PSPC1: variants seen among roughly 807,000 people sequenced by gnomAD.
PSPC1 encodes paraspeckle component 1.
Under a neutral mutation model 51.6 loss-of-function variants are expected in PSPC1, and 14 were observed. The ratio of observed to expected loss-of-function variants is 0.27; its 90% confidence interval spans 0.18 to 0.42. The LOEUF is 0.42. PSPC1 is among the 10% of genes least tolerant of loss of function. The pLI, the probability that PSPC1 is intolerant of heterozygous loss-of-function variation, is 1.00. For synonymous variants in PSPC1, 193 were observed against 231.9 expected (o/e 0.83, Z 1.53); for missense variants, 406 against 701.1 (o/e 0.58, Z 4.75).
intron 5 of PSPC1, among the ~76,000 whole-genome samples, chr13:19,739,098 C>A (rs1267188810): frequency 6.6e-6 from 1 of 152,108 alleles, no homozygotes; most frequent in Non-Finnish European, 1.5e-5. Context: ...ACTACTAGCC[C>A]ATATGCCTAA....
At chr13:19,756,554 T>G (rs1887091035) in intron 3 of PSPC1, among the ~76,000 whole-genome samples, 1 of 151,780 alleles carries the variant, frequency 6.6e-6, no homozygotes, top group South Asian at 2.1e-4. Flanking sequence ...GGCTGGAGTG[T>G]GGTGGCGCGA....
intron 6 of PSPC1, among the ~76,000 whole-genome samples, chr13:19,694,113 A>G (rs1878901958): frequency 9.9e-6 from 1 of 101,450 alleles, no homozygotes; most frequent in Non-Finnish European, 1.9e-5. Context: ...ACAGAGCGAG[A>G]CTCCATCTCA....
rs1196936127 is a variant in PSPC1 at position 19,719,159 on chromosome 13, T to C, written c.1159-9560A>G. The stretch of plus-strand genomic sequence containing the variant: ...GTAGCTTCAGCAATTGTTATAAGTG[T>C]ATCATTCTGGTAAAACACTTTGATA... On this transcript the variant is annotated intron_variant, in intron 6 of 8. Coordinates refer to ENST00000338910, the MANE Select transcript of PSPC1 (RefSeq NM_001354909.2). 1.2e-4 allele frequency among the ~76,000 whole-genome samples: 18 copies of C among 150,718 alleles called. 1 individual carries two copies. In the East Asian group the frequency reaches 2.9e-3, roughly 25 times the overall value.
chr13:19,705,166 T>C (rs1880484294), intron 8 of PSPC1, among the ~76,000 whole-genome samples: 1 of 152,242 alleles, frequency 6.6e-6, no homozygotes, highest in African/African-American at 2.4e-5. Flanking sequence ...TACCACAGCA[T>C]GCCACAGACA....
intron 7 of PSPC1, among the ~76,000 whole-genome samples, chr13:19,676,721 AATAATGTTTAGTATCACC>A (rs1876676473): frequency 6.6e-6 from 1 of 152,204 alleles, no homozygotes; most frequent in Non-Finnish European, 1.5e-5. Flanking sequence ...AATAAGACAC[AATAATGTTTAGTATCACC>A]AGACAAAAGC....
intron 2 of PSPC1, among the ~76,000 whole-genome samples, chr13:19,763,933 G>A (rs1303635254): frequency 6.6e-6 from 1 of 152,080 alleles, no homozygotes; most frequent in African/African-American, 2.4e-5. Flanking sequence ...AATCCAGGAG[G>A]TGGAAGTTGC....
downstream of PSPC1, chr13:19,673,336 A>C (rs958950742): frequency 2.0e-5 from 6 of 298,520 alleles, no homozygotes; most frequent in African/African-American, 1.3e-4. Context: ...TTTTAATGAA[A>C]ACTTTTCAGA....
chr13:19,708,141 A>G (rs1419080047), intron 7 of PSPC1, among the ~76,000 whole-genome samples: 1 of 152,218 alleles, frequency 6.6e-6, no homozygotes, highest in African/African-American at 2.4e-5. Flanking sequence ...ACAGCAATAT[A>G]TGACTCTACA....
rs189609762 is a variant in PSPC1 at position 19,684,068 on chromosome 13, G to A, written c.1159-6245C>T. Reference sequence around the variant, plus strand: ...CTTAGAATATCTGTCTGCTTTATCTGCAAGGCAACTGTAGTGAGGCAAGCG... The same window carrying A: ...CTTAGAATATCTGTCTGCTTTATCTACAAGGCAACTGTAGTGAGGCAAGCG... On this transcript the variant is annotated intron_variant and NMD_transcript_variant, in intron 6 of 7. Coordinates refer to the PSPC1 transcript ENST00000471658. 9.1e-4 allele frequency among the ~76,000 whole-genome samples: 139 copies of A among 152,260 alleles called. 1 individual carries two copies. Among genetic ancestry groups the A allele is most frequent in the African/African-American group, 3.1e-3 (129 of 41,550 alleles).
intron 5 of PSPC1, among the ~76,000 whole-genome samples, chr13:19,731,063 C>A (rs1477469706): frequency 1.3e-5 from 2 of 151,412 alleles, no homozygotes; most frequent in African/African-American, 2.4e-5. Flanking sequence ...AGATAAGCCA[C>A]CTCAAAAAAC....
chr13:19,754,663 C>G (rs534775280), intron 3 of PSPC1, among the ~76,000 whole-genome samples: 1 of 152,040 alleles, frequency 6.6e-6, no homozygotes, highest in South Asian at 2.1e-4. Context: ...TGGTCTCGAA[C>G]TCCTGACCTC....
In PSPC1 at chr13:19,730,345, C is replaced by A; in HGVS notation, c.1053-1G>T. 6.2e-7 allele frequency: 1 copy of A among 1,613,606 alleles called. No individual in the cohort carries two copies. Among genetic ancestry groups the A allele is most frequent in the Non-Finnish European group, 8.5e-7 (1 of 1,179,838 alleles). On this transcript the variant is annotated splice_acceptor_variant, in intron 5 of 8. Transcript: ENST00000338910. LOFTEE classifies it high-confidence loss of function. ...ACGCCGCCGATGCTCCTCTTCATGT[C>A]TGAAAATTTTTCAAATAAAAATTTC... is the stretch of plus-strand genomic sequence containing the variant.
intron 6 of PSPC1, among the ~76,000 whole-genome samples, chr13:19,729,262 C>A (rs1883742659): frequency 6.6e-6 from 1 of 152,116 alleles, no homozygotes. Context: ...GTCGGCTGGG[C>A]ATGGTGGCTG....
chr13:19,774,634 C>A (rs995639265), intron 1 of PSPC1, among the ~76,000 whole-genome samples: 7 of 150,748 alleles, frequency 4.6e-5, no homozygotes, highest in Admixed American at 3.3e-4. Context: ...AAAACCTAGT[C>A]TCTATCAAAA....
At chr13:19,716,947 T>TG (rs978767135) in intron 6 of PSPC1, among the ~76,000 whole-genome samples, 9 of 152,108 alleles carry the variant, frequency 5.9e-5, no homozygotes, top group Admixed American at 5.2e-4. Flanking sequence ...CTCAGCACTT[T>TG]GGGGGGCTGA....
chr13:19,745,594 T>C (rs1321766719), intron 4 of PSPC1, among the ~76,000 whole-genome samples: 1 of 152,096 alleles, frequency 6.6e-6, no homozygotes, highest in African/African-American at 2.4e-5. Flanking sequence ...ACCGCTGATC[T>C]GTCCAGATTT....
rs554818110 is a variant in PSPC1, at chr13:19,722,573, C to T, written c.1158+7666G>A. On this transcript the variant is annotated intron_variant, in intron 6 of 8. Coordinates refer to ENST00000338910, the MANE Select transcript of PSPC1 (RefSeq NM_001354909.2). ...CTTTGGGAGGCTGAGGTAGGTGGATCACCTGAGGACAGGGGTTCGAGACCA... is the reference window on the plus strand; with the variant it reads ...CTTTGGGAGGCTGAGGTAGGTGGATTACCTGAGGACAGGGGTTCGAGACCA... Among the ~76,000 whole-genome samples the T allele has an allele frequency of 2.6e-5, 4 of 152,268 alleles. No individual in the cohort carries two copies. In the South Asian group the frequency reaches 8.3e-4, roughly 32 times the overall value.
At chr13:19,772,581 T>G in intron 1 of PSPC1, 38 bp from the exon 2 acceptor site, 1 of 1,542,860 alleles carries the variant, frequency 6.5e-7, no homozygotes, top group Middle Eastern at 2.4e-4. Context: ...AAGATGACAG[T>G]AACAGAAAAA....
At chr13:19,721,703 T>C (rs1055793096) in intron 6 of PSPC1, among the ~76,000 whole-genome samples, 6 of 152,230 alleles carry the variant, frequency 3.9e-5, no homozygotes, top group Non-Finnish European at 7.3e-5. Flanking sequence ...CTCAGCACTA[T>C]GTTTTGAATA....
Sources: gnomAD v4.1 joint callset for allele counts (sites outside exome capture counted in the v4.1 genomes callset) on GRCh38, gnomAD v4.1.1 for gene constraint, MANE v1.5 for transcripts, NCBI Gene and HGNC (gene_info 2026-07-23, HGNC 2026-07-21) for gene names.